APP: variants seen among roughly 807,000 people sequenced by gnomAD.
APP encodes the protein amyloid beta precursor protein, also known as amyloid-beta precursor protein.
A neutral mutation model predicts 101.4 loss-of-function variants in APP; 31 were observed. The observed-to-expected ratio is 0.31, with a 90% CI of 0.23 to 0.41. The LOEUF (loss-of-function observed/expected upper bound fraction) is 0.41. Ranked by LOEUF, APP falls within the 10% of genes least tolerant of loss-of-function variation. The pLI, the probability that APP is intolerant of heterozygous loss-of-function variation, is 1.00. For synonymous variants in APP, 366 were observed against 364.4 expected (o/e 1.00, Z -0.05); for missense variants, 839 against 1,003.7 (o/e 0.84, Z 2.22).
chr21:25,955,860 G>A (rs570552062), intron 11 of APP, 105 bp from the exon 12 acceptor site: 24 of 1,532,344 alleles, frequency 1.6e-5, no homozygotes, highest in African/African-American at 1.1e-4. Flanking sequence ...TCATGTGAAC[G>A]TACTGTGAGT....
chr21:25,986,258 T>C (rs980760243), intron 8 of APP, among the ~76,000 whole-genome samples: 70 of 152,288 alleles, frequency 4.6e-4, no homozygotes, highest in African/African-American at 1.6e-3. Flanking sequence ...CACTGATATA[T>C]TTAAGGTACT....
In APP at chr21:25,890,832, G is replaced by A. The variant is rs151335131; in HGVS notation, c.2211+890C>T. 7.9e-5 allele frequency among the ~76,000 whole-genome samples: 12 copies of A among 150,954 alleles called. No individual in the cohort carries two copies. In the East Asian group the frequency reaches 1.6e-3, roughly 20 times the overall value. ...TCGGCCTCAGTTCCCTCATCTACAA[G>A]ATGAGAAGATCAATTTGATTGGTCA... On this transcript the variant is annotated intron_variant, in intron 17 of 17. Coordinates refer to ENST00000346798, the MANE Select transcript of APP (RefSeq NM_000484.4).
intron 5 of APP, among the ~76,000 whole-genome samples, chr21:26,022,399 G>C (rs1408032153): frequency 6.6e-6 from 1 of 152,068 alleles, no homozygotes; most frequent in Non-Finnish European, 1.5e-5. Context: ...TACTCTGCAC[G>C]ATACTGTCAT....
At position 26,000,070 on chromosome 21, in the gene APP, G is replaced by A; in HGVS notation, c.978C>T (p.Gly326=). 1 of 1,614,138 alleles carries A rather than the reference G, an allele frequency of 6.2e-7. No homozygotes were observed. ...CTTCTGTGTCAAAGTTGTTCCGGTT[G>A]CCGCCACATCCGCCGTAAAAGAATG... ...CAPFFYGGCG[G]NRNNFDTEEY... Residue 326 remains glycine (G), a synonymous_variant, in exon 7 of 18, where the codon GGC becomes GGT. Transcript: ENST00000346798.
chr21:25,943,021 C>T (rs1413748118), intron 13 of APP: 1 of 152,162 alleles, frequency 6.6e-6, no homozygotes, highest in African/African-American at 2.4e-5. Flanking sequence ...ATTTACTACC[C>T]TAGGTACCTC....
chr21:26,056,348 T>C (rs981312821), intron 3 of APP, among the ~76,000 whole-genome samples: 1 of 152,218 alleles, frequency 6.6e-6, no homozygotes, highest in East Asian at 1.9e-4. Context: ...AGTCTGAACA[T>C]TTTTAATGAG....
At chr21:25,920,489 T>C (rs1477253846) in intron 13 of APP, among the ~76,000 whole-genome samples, 2 of 152,058 alleles carry the variant, frequency 1.3e-5, no homozygotes, top group African/African-American at 4.8e-5. Context: ...ACCCATCTCA[T>C]GTGCAGAGAC....
chr21:25,900,084 C>T (rs969385738), intron 15 of APP, among the ~76,000 whole-genome samples: 5 of 152,134 alleles, frequency 3.3e-5, no homozygotes, highest in Non-Finnish European at 5.9e-5. Flanking sequence ...TCTGCTGAAA[C>T]GAACCTTTCT....
At chr21:26,003,588 A>T (rs1298759944) in intron 6 of APP, among the ~76,000 whole-genome samples, 2 of 152,232 alleles carry the variant, frequency 1.3e-5, no homozygotes, top group African/African-American at 4.8e-5. Context: ...TGTATGGAGA[A>T]GATGTACGTG....
intron 13 of APP, among the ~76,000 whole-genome samples, chr21:25,933,245 T>C (rs1034376328): frequency 2.0e-5 from 3 of 152,142 alleles, no homozygotes; most frequent in Non-Finnish European, 2.9e-5. Flanking sequence ...TCTACAGGCA[T>C]GCACCATCAC....
intron 8 of APP, among the ~76,000 whole-genome samples, chr21:25,983,201 T>A (rs1009226250): frequency 6.6e-6 from 1 of 152,216 alleles, no homozygotes; most frequent in African/African-American, 2.4e-5. Flanking sequence ...ATGTAACTCA[T>A]GAGCCAAGTG....
intron 13 of APP, among the ~76,000 whole-genome samples, chr21:25,950,534 A>G (rs1248118880): frequency 1.3e-5 from 2 of 151,860 alleles, no homozygotes; most frequent in Non-Finnish European, 2.9e-5. Flanking sequence ...GGTGCCTGCC[A>G]CCATGCCTGG....
intron 2 of APP, among the ~76,000 whole-genome samples, chr21:26,092,385 C>G (rs2061843244): frequency 6.6e-6 from 1 of 152,088 alleles, no homozygotes; most frequent in Non-Finnish European, 1.5e-5. Flanking sequence ...AGGAACTTAA[C>G]TAATATTGCT....
chr21:25,966,079 T>C (rs190368037), intron 11 of APP, among the ~76,000 whole-genome samples: 8 of 152,316 alleles, frequency 5.3e-5, no homozygotes, highest in South Asian at 2.1e-4. Flanking sequence ...TTCTTAATGT[T>C]CTATGTAACT....
intron 5 of APP, among the ~76,000 whole-genome samples, chr21:26,030,331 G>A (rs1649018802): frequency 6.6e-6 from 1 of 152,134 alleles, no homozygotes; most frequent in Admixed American, 6.5e-5. Context: ...TGGAACTCAG[G>A]GAGAATCTGA....
Position 26,000,028 on chromosome 21 carries a change from C to T in APP, c.1020G>A (p.Val340=). The change falls in exon 7 of 18, where the codon GTG becomes GTA. Residue 340 remains valine (V), a synonymous_variant. Coordinates refer to ENST00000346798, the MANE Select transcript of APP (RefSeq NM_000484.4). ...GGGTCCACTTACTGGCGCTGCCACA[C>T]ACGGCCATGCAGTACTCTTCTGTGT... The part of the protein sequence containing the change: ...NFDTEEYCMA[V]CGSAMSQSLL... The T allele has an allele frequency of 6.2e-7, 1 of 1,614,096 alleles. No homozygotes were observed. Among genetic ancestry groups the T allele is most frequent in the East Asian group, 2.2e-5 (1 of 44,842 alleles).
intron 6 of APP, among the ~76,000 whole-genome samples, chr21:26,017,393 T>C (rs113711869): frequency 1.1e-4 from 9 of 84,248 alleles, no homozygotes; most frequent in South Asian, 3.4e-4. Context: ...CTAGGAAACA[T>C]AGCAAAATCC....
chr21:26,061,937 C>T (rs945182929), intron 3 of APP, among the ~76,000 whole-genome samples: 2 of 152,224 alleles, frequency 1.3e-5, no homozygotes, highest in South Asian at 2.1e-4. Flanking sequence ...TAGTGCTGGC[C>T]GGGAGTGGTG....
rs2226349 is a variant in APP at position 26,144,242 on chromosome 21, G to T, written c.57+26322C>A. Among the ~76,000 whole-genome samples, 37 of 151,894 alleles carry T rather than the reference G, an allele frequency of 2.4e-4. 1 individual carries two copies. The highest frequency in any genetic ancestry group is 2.9e-5 in the Non-Finnish European group (2 of 67,960). ...CCTCCCACTACACATGGGGATTATG[G>T]GGACTACAATTCAAGATGAGATCCA... On this transcript the variant is annotated intron_variant, in intron 1 of 17. Coordinates refer to ENST00000346798, the MANE Select transcript of APP (RefSeq NM_000484.4).
Sources: allele counts gnomAD v4.1 joint callset (sites outside exome capture counted in the v4.1 genomes callset), GRCh38; gene constraint gnomAD v4.1.1; transcripts MANE v1.5; gene names NCBI Gene and HGNC (gene_info 2026-07-23, HGNC 2026-07-21).